Variants in ANKRD30BL observed in about 807,000 individuals in gnomAD.
ANKRD30BL encodes the protein ankyrin repeat domain 30B like.
In ANKRD30BL, 20 loss-of-function variants were observed where a neutral mutation model predicts 18.4. The ratio of observed to expected loss-of-function variants is 1.09; its 90% CI spans 0.77 to 1.58. The LOEUF is 1.58. ANKRD30BL is among the 40% of genes most tolerant of loss of function. The pLI, the probability that ANKRD30BL is intolerant of heterozygous loss-of-function variation, is 0.00. For missense variants in ANKRD30BL, 224 were observed against 268.6 expected (o/e 0.83, Z 1.16); for synonymous variants, 72 against 100.9 (o/e 0.71, Z 1.72).
chr2:132,197,885 C>A (rs779051123), intron 1 of ANKRD30BL, among the ~76,000 whole-genome samples: 5 of 151,822 alleles, frequency 3.3e-5, no homozygotes, highest in Non-Finnish European at 7.4e-5. Flanking sequence ...TATTATAAAC[C>A]AGCAATGTTT....
At chr2:132,204,253 G>A (rs1020572658) in intron 1 of ANKRD30BL, among the ~76,000 whole-genome samples, 1 of 151,884 alleles carries the variant, frequency 6.6e-6, no homozygotes, top group African/African-American at 2.4e-5. Context: ...TCTGGGTGTG[G>A]CTACAGCACA....
chr2:132,221,316 AGGTGGGGGGGTCAGCCC>A (rs1342977511), intron 1 of ANKRD30BL, among the ~76,000 whole-genome samples: 1 of 135,442 alleles, frequency 7.4e-6, no homozygotes, highest in African/African-American at 2.9e-5. Flanking sequence ...TCCAGGAGGG[AGGTGGGGGGGTCAGCCC>A]CCCGCCCGGC....
intron 1 of ANKRD30BL, among the ~76,000 whole-genome samples, chr2:132,210,585 A>G (rs893224628): frequency 1.3e-5 from 2 of 151,988 alleles, no homozygotes; most frequent in African/African-American, 4.8e-5. Context: ...CTACTTTGTG[A>G]TGTGTGCATT....
At chr2:132,198,810 G>A (rs371002517) in intron 1 of ANKRD30BL, among the ~76,000 whole-genome samples, 1 of 151,848 alleles carries the variant, frequency 6.6e-6, no homozygotes, top group African/African-American at 2.4e-5. Context: ...TAGAGACGAC[G>A]TTTCGCCATG....
intron 1 of ANKRD30BL, among the ~76,000 whole-genome samples, chr2:132,189,266 A>G (rs1403536469): frequency 6.6e-6 from 1 of 152,248 alleles, no homozygotes; most frequent in Non-Finnish European, 1.5e-5. Context: ...GACATAGTCA[A>G]CATACTAGGT....
At chr2:132,151,176 T>A (rs1476726999) in intron 4 of ANKRD30BL, among the ~76,000 whole-genome samples, 200 bp from the exon 5 acceptor site, 13 of 152,078 alleles carry the variant, frequency 8.5e-5, no homozygotes, top group Non-Finnish European at 5.9e-5. Flanking sequence ...GATAAAACAC[T>A]CATGAAGTGA....
At chr2:132,154,940 T>C (rs1687861815) in intron 3 of ANKRD30BL, 172 bp from the exon 4 acceptor site, 5 of 464,746 alleles carry the variant, frequency 1.1e-5, no homozygotes, top group Non-Finnish European at 1.6e-5. Flanking sequence ...CTTGTAAACA[T>C]TCAGCCTCTG....
chr2:132,235,159 A>T (rs1680120313), intron 1 of ANKRD30BL, among the ~76,000 whole-genome samples: 1 of 152,228 alleles, frequency 6.6e-6, no homozygotes, highest in Non-Finnish European at 1.5e-5. Flanking sequence ...AAAATCTCTC[A>T]ATAAATTAGG....
chr2:132,243,451 A>G (rs777641688), intron 1 of ANKRD30BL, among the ~76,000 whole-genome samples: 12 of 151,720 alleles, frequency 7.9e-5, no homozygotes, highest in Non-Finnish European at 1.6e-4. Context: ...TGTGTACTCA[A>G]GTGACAGAGT....
rs1367938832 is a variant in ANKRD30BL, at chr2:132,196,083, A to G, written n.442-38937T>C. 2.6e-5 allele frequency among the ~76,000 whole-genome samples: 4 copies of G among 151,092 alleles called. No homozygotes were observed. In the East Asian group the frequency reaches 7.8e-4, roughly 29 times the overall value. ...CGTGAACCTGGGAGGCAGAGCTGGCAGTGAGCTGAGATCGCGCCACTGCAC... is the reference window on the plus strand; with the variant it reads ...CGTGAACCTGGGAGGCAGAGCTGGCGGTGAGCTGAGATCGCGCCACTGCAC... On this transcript the variant is annotated intron_variant and non_coding_transcript_variant, in intron 1 of 4. Coordinates refer to the ANKRD30BL transcript ENST00000470729.
chr2:132,199,690 T>A (rs1460200671), intron 1 of ANKRD30BL, among the ~76,000 whole-genome samples: 1 of 152,018 alleles, frequency 6.6e-6, no homozygotes, highest in Admixed American at 6.6e-5. Context: ...CTTTATATAC[T>A]TTTATTTAAT....
At chr2:132,193,275 G>C (rs58219557) in intron 1 of ANKRD30BL, among the ~76,000 whole-genome samples, 27,502 of 152,182 alleles carry the variant, frequency 0.18, 5,572 homozygotes, top group African/African-American at 0.5. Flanking sequence ...CAAGGTTTAT[G>C]TAACTACTGC....
In ANKRD30BL at chr2:132,243,280, A is replaced by G. The variant is rs572603286; in HGVS notation, n.441+14249T>C. 1.2e-4 allele frequency among the ~76,000 whole-genome samples: 18 copies of G among 151,852 alleles called. 1 individual carries two copies. The highest frequency in any genetic ancestry group is 6.6e-4 in the Admixed American group (10 of 15,178). Reference sequence around the variant, plus strand: ...AATTTCTTTGTGATGTGTGTACTCAACTCACAGAGTTAAACCTTTCCTTTG... The same window carrying G: ...AATTTCTTTGTGATGTGTGTACTCAGCTCACAGAGTTAAACCTTTCCTTTG... On this transcript the variant is annotated intron_variant and non_coding_transcript_variant, in intron 1 of 4. Coordinates refer to the ANKRD30BL transcript ENST00000470729.
At chr2:132,219,173 A>G (rs927325589) in intron 1 of ANKRD30BL, among the ~76,000 whole-genome samples, 1 of 152,136 alleles carries the variant, frequency 6.6e-6, no homozygotes, top group African/African-American at 2.4e-5. Flanking sequence ...AAGCATTCTC[A>G]GAAACTTCTT....
chr2:132,222,832 T>TAAAAAAAAAAAAAA lies in ANKRD30BL; in HGVS notation n.441+34683_441+34696dup, dbSNP rs71001178. The stretch of plus-strand genomic sequence containing the variant: ...GTGAGAAACAGCCAAGAATGATCAA[T>TAAAAAAAAAAAAAA]AAAAAAAAAAAAAAAAAAAAAAAAA... On this transcript the variant is annotated intron_variant and non_coding_transcript_variant, in intron 1 of 4. Transcript: ENST00000470729. 3.2e-4 allele frequency among the ~76,000 whole-genome samples: 17 copies of TAAAAAAAAAAAAAA among 52,814 alleles called. 1 individual carries two copies. Among genetic ancestry groups the TAAAAAAAAAAAAAA allele is most frequent in the African/African-American group, 4.2e-4 (8 of 19,208 alleles). The allele number at this position is 52,814 out of a possible 152,430, so 34.6% of individuals were successfully genotyped here.
intron 1 of ANKRD30BL, among the ~76,000 whole-genome samples, chr2:132,246,991 TAGAC>T (rs1289444421): frequency 1.4e-5 from 2 of 141,376 alleles, no homozygotes; most frequent in East Asian, 2.1e-4. Context: ...ACATAAAAAT[TAGAC>T]AGAAGCATTC....
intron 1 of ANKRD30BL, among the ~76,000 whole-genome samples, chr2:132,222,479 T>C (rs1679718639): frequency 6.6e-6 from 1 of 152,128 alleles, no homozygotes; most frequent in Non-Finnish European, 1.5e-5. Context: ...CTTTTCATTT[T>C]GTTCTGTACT....
chr2:132,159,527 T>C (rs565746472), intron 1 of ANKRD30BL, among the ~76,000 whole-genome samples: 15 of 152,288 alleles, frequency 9.8e-5, no homozygotes, highest in East Asian at 3.9e-4. Flanking sequence ...GAAAATACTT[T>C]CCCAATTTTA....
intron 1 of ANKRD30BL, among the ~76,000 whole-genome samples, chr2:132,225,025 C>T (rs374792125): frequency 6.6e-6 from 1 of 151,326 alleles, no homozygotes; most frequent in Non-Finnish European, 1.5e-5. Context: ...CTTCTGTGTG[C>T]TGTTTGCATT....
Sources: allele counts gnomAD v4.1 joint callset (sites outside exome capture counted in the v4.1 genomes callset), GRCh38; gene constraint gnomAD v4.1.1; transcripts MANE v1.5; gene names NCBI Gene and HGNC (gene_info 2026-07-23, HGNC 2026-07-21).